Variants in MPPE1 observed in about 807,000 individuals in gnomAD.
MPPE1 encodes metallo phosphoesterase.
Under a neutral mutation model 43.8 loss-of-function variants are expected in MPPE1, and 28 were observed. That is an observed-to-expected ratio of 0.64 (90% CI 0.47 to 0.88). The LOEUF (loss-of-function observed/expected upper bound fraction) is 0.88, where lower values mean the gene tolerates loss of function less well. MPPE1 is among the 40% of genes least tolerant of loss of function. MPPE1 has a pLI of 0.00. For synonymous variants in MPPE1, 159 were observed against 188.5 expected (o/e 0.84, Z 1.28); for missense variants, 428 against 492.2 (o/e 0.87, Z 1.23).
intron 1 of MPPE1, among the ~76,000 whole-genome samples, 174 bp from the exon 2 acceptor site, chr18:11,906,483 G>T (rs73398973): frequency 0.068 from 10,344 of 152,048 alleles, 652 homozygotes; most frequent in African/African-American, 0.16. Flanking sequence ...TAAAATACCT[G>T]TATTTATATA....
At chr18:11,888,626 C>T in intron 6 of MPPE1, 43 bp downstream of exon 6, 1 of 1,280,540 alleles carries the variant, frequency 7.8e-7, no homozygotes, top group Admixed American at 2.1e-5. Context: ...AATGAAGTTT[C>T]CAAGGACTAA....
rs776312166 is a variant in MPPE1 at position 11,884,457 on chromosome 18, AC to A, written c.1178del (p.Arg393LeufsTer11). On this transcript the variant is annotated frameshift_variant, in exon 11 of 11. Coordinates refer to ENST00000588072, the MANE Select transcript of MPPE1 (RefSeq NM_023075.6). LOFTEE classifies it high-confidence loss of function. ...FLSGLNLLGK[R>X]KTR ...TGGCGCCTGCTCTTCATCTTGTCTTACGCTTTCCGAGCAAGTTCAAACCAGA... is the reference window on the plus strand; with the variant it reads ...TGGCGCCTGCTCTTCATCTTGTCTTAGCTTTCCGAGCAAGTTCAAACCAGA... The A allele has an allele frequency of 8.7e-6, 14 of 1,613,732 alleles. No individual in the cohort carries two copies. In the South Asian group the frequency reaches 1.4e-4, roughly 16 times the overall value.
intron 1 of MPPE1, 87 bp downstream of exon 1, chr18:11,908,114 T>C (rs2039895890): frequency 6.6e-6 from 1 of 152,128 alleles, no homozygotes; most frequent in South Asian, 2.1e-4. Flanking sequence ...AATGCTGTTT[T>C]TCCTAGGTTA....
At chr18:11,890,216 A>G (rs1340842458) in intron 4 of MPPE1, among the ~76,000 whole-genome samples, 1 of 152,236 alleles carries the variant, frequency 6.6e-6, no homozygotes, top group Non-Finnish European at 1.5e-5. Context: ...TGCTGGGATT[A>G]CAGGCGTGAG....
chr18:11,901,965 CA>C (rs1259209673), intron 2 of MPPE1, among the ~76,000 whole-genome samples: 7 of 152,212 alleles, frequency 4.6e-5, no homozygotes, highest in Non-Finnish European at 8.8e-5. Flanking sequence ...AATTCTCCTC[CA>C]AAACCCCACA....
chr18:11,888,627 C>G (rs935542433), intron 6 of MPPE1, 42 bp downstream of exon 6: 1 of 1,294,444 alleles, frequency 7.7e-7, no homozygotes, highest in African/African-American at 1.5e-5. Context: ...ATGAAGTTTC[C>G]AAGGACTAAA....
intron 10 of MPPE1, chr18:11,885,191 G>C: frequency 1.9e-6 from 1 of 516,422 alleles, no homozygotes; most frequent in South Asian, 2.5e-5. Context: ...AGAACCTGTC[G>C]TACCAGCATC....
At chr18:11,900,399 G>A (rs1342087155) in intron 2 of MPPE1, among the ~76,000 whole-genome samples, 2 of 151,942 alleles carry the variant, frequency 1.3e-5, no homozygotes, top group East Asian at 1.9e-4. Context: ...CCATCTACGC[G>A]GGAGGCTGAG....
chr18:11,891,000 T>C (rs936076899), intron 4 of MPPE1, among the ~76,000 whole-genome samples: 1 of 151,554 alleles, frequency 6.6e-6, no homozygotes, highest in African/African-American at 2.4e-5. Flanking sequence ...TCTTATTTTA[T>C]AAAGCTAAAA....
chr18:11,891,977 G>T (rs183968889), intron 4 of MPPE1, among the ~76,000 whole-genome samples: 4 of 132,124 alleles, frequency 3.0e-5, no homozygotes, highest in Non-Finnish European at 6.1e-5. Flanking sequence ...GCTGATTTTT[G>T]TATTTTTTGT....
chr18:11,896,984 C>G lies in MPPE1; in HGVS notation c.281G>C (p.Arg94Thr). Residue 94 changes from arginine (R) to threonine (T), a missense_variant and splice_region_variant, in exon 3 of 11, where the codon AGG becomes ACG. This residue lies in a region of MPPE1 where 379 missense variants were observed against 402.5 expected (regional missense o/e 0.94). Transcript: ENST00000588072. ...FLGHWLDKLR[R>T]EWQMERAFQT... ...AAAGATTCCTGATTTTACCTCTTAC[C>G]TTCGTAATTTGTCCAGCCAGTGGCC... The G allele has an allele frequency of 6.2e-7, 1 of 1,606,826 alleles. No homozygotes were observed. Among genetic ancestry groups the G allele is most frequent in the Middle Eastern group, 1.7e-4 (1 of 6,016 alleles).
intron 2 of MPPE1, among the ~76,000 whole-genome samples, chr18:11,901,259 T>G (rs1362109544): frequency 6.6e-6 from 1 of 151,834 alleles, no homozygotes; most frequent in Non-Finnish European, 1.5e-5. Flanking sequence ...AGACAGAGTT[T>G]CTCTCCCATC....
At chr18:11,900,448 G>C (rs1225143704) in intron 2 of MPPE1, among the ~76,000 whole-genome samples, 2 of 152,112 alleles carry the variant, frequency 1.3e-5, no homozygotes, top group African/African-American at 4.8e-5. Flanking sequence ...GGAGGTTGCA[G>C]TGAGCTGAGA....
chr18:11,896,264 G>C (rs149175678), intron 3 of MPPE1, among the ~76,000 whole-genome samples: 5,631 of 152,012 alleles, frequency 0.037, 184 homozygotes, highest in Admixed American at 0.11. Context: ...ATCATGCTCA[G>C]CTAATTTTTC....
intron 6 of MPPE1, among the ~76,000 whole-genome samples, chr18:11,887,241 G>A (rs978091244): frequency 6.6e-6 from 1 of 152,146 alleles, no homozygotes; most frequent in Admixed American, 6.6e-5. Context: ...CGATCGAAGG[G>A]TTTTTGACCC....
chr18:11,886,565 A>C lies in MPPE1; in HGVS notation c.801T>G (p.Pro267=). 1.2e-6 allele frequency: 2 copies of C among 1,614,172 alleles called. No individual in the cohort carries two copies. The highest frequency in any genetic ancestry group is 1.7e-6 in the Non-Finnish European group (2 of 1,180,014). The stretch of plus-strand genomic sequence containing the variant: ...TAAATGGGATGTCCCTTTCCTCTGC[A>C]GGAGCAGCGTCTTCCCCAGAACAGT... The part of the protein sequence containing the change: ...DANCSGEDAA[P]AEERDIPFKE... Residue 267 remains proline, a synonymous_variant, in exon 9 of 11, where the codon CCT becomes CCG. Transcript: ENST00000588072. The surrounding 1 kb of genome is among the most constrained non-coding windows in gnomAD (Gnocchi z 4.1).
At position 11,884,977 on chromosome 18, in the gene MPPE1, G is replaced by A. The variant is rs529104144; in HGVS notation, c.1009-350C>T. On this transcript the variant is annotated intron_variant, in intron 10 of 10. Coordinates refer to ENST00000588072, the MANE Select transcript of MPPE1 (RefSeq NM_023075.6). The stretch of plus-strand genomic sequence containing the variant: ...GGCACCGTGGAGTTCCAGGGTCATC[G>A]GTCAGCGAGGAACAAGGAGGGAAAG... The A allele has an allele frequency of 4.4e-4, 578 of 1,302,840 alleles. 12 individuals are homozygous for A. The South Asian group carries it at 6.7e-3, about 15-fold the overall frequency. The allele number at this position is 1,302,840 out of a possible 1,614,324, so 80.7% of individuals were successfully genotyped here.
At chr18:11,906,835 C>G (rs964314033) in intron 1 of MPPE1, among the ~76,000 whole-genome samples, 7 of 123,314 alleles carry the variant, frequency 5.7e-5, no homozygotes, top group Non-Finnish European at 3.2e-5. Context: ...GCCTGGGCAA[C>G]AAGAGCGAAA....
chr18:11,898,217 C>T (rs1170328029), intron 2 of MPPE1, among the ~76,000 whole-genome samples: 2 of 151,326 alleles, frequency 1.3e-5, no homozygotes, highest in Non-Finnish European at 2.9e-5. Context: ...TGCAGGCACT[C>T]GTCACCACGT....
Sources: allele counts gnomAD v4.1 joint callset (sites outside exome capture counted in the v4.1 genomes callset), GRCh38; gene constraint gnomAD v4.1.1; regional missense constraint gnomAD v4.1.1; non-coding constraint Gnocchi (gnomAD v3.1); transcripts MANE v1.5; gene names NCBI Gene and HGNC (gene_info 2026-07-23, HGNC 2026-07-21).